Variants in XIRP2 observed in about 807,000 individuals in gnomAD.
XIRP2 encodes xin actin binding repeat containing 2, also known as xin actin-binding repeat-containing protein 2.
XIRP2 carries 236 observed loss-of-function variants against 277.0 expected under a neutral mutation model. The ratio of observed to expected loss-of-function variants is 0.85; its 90% CI spans 0.77 to 0.95. The LOEUF is 0.95. Among genes scored for constraint, XIRP2 ranks in the 40% least tolerant of loss-of-function variants. The pLI is 0.00. For missense variants in XIRP2, 4,640 were observed against 4,157.5 expected, an observed-to-expected ratio of 1.12 and a Z score of -3.19; for synonymous variants, 1,490 against 1,416.5, an observed-to-expected ratio of 1.05 and a Z score of -1.17.
rs116291979 is a variant in XIRP2, at chr2:167,125,583, A to C, written c.409-10326A>C. Among the ~76,000 whole-genome samples, 1,085 of 152,284 alleles carry C rather than the reference A, an allele frequency of 7.1e-3. 15 individuals are homozygous for C. Among genetic ancestry groups the C allele is most frequent in the African/African-American group, 0.025 (1,024 of 41,570 alleles). The stretch of plus-strand genomic sequence containing the variant: ...TAAATCTGTTTAATAAAAAGGATGT[A>C]TTTAGAGCAGAGCACTTTGCACAAA... On this transcript the variant is annotated intron_variant, in intron 2 of 10. Transcript: ENST00000409195.
At chr2:166,942,650 A>G (rs887042381) in intron 2 of XIRP2, among the ~76,000 whole-genome samples, 3 of 152,232 alleles carry the variant, frequency 2.0e-5, no homozygotes, top group Non-Finnish European at 4.4e-5. Flanking sequence ...ATAAGTTTGT[A>G]CTGATAAACA....
At chr2:166,956,425 G>A (rs1020118636) in intron 2 of XIRP2, among the ~76,000 whole-genome samples, 5 of 151,764 alleles carry the variant, frequency 3.3e-5, no homozygotes, top group African/African-American at 1.2e-4. Context: ...TAATGAGACT[G>A]TTCAAAGCAA....
intron 2 of XIRP2, among the ~76,000 whole-genome samples, chr2:167,115,207 T>G (rs1161752004): frequency 6.6e-6 from 1 of 152,202 alleles, no homozygotes; most frequent in African/African-American, 2.4e-5. Flanking sequence ...CTCTATCAGA[T>G]CCGTTTGGTT....
chr2:167,248,447 A>G lies in XIRP2; in HGVS notation c.7055A>G (p.Asp2352Gly), dbSNP rs745780167. 1.2e-6 allele frequency: 2 copies of G among 1,613,660 alleles called. No homozygotes were observed. The highest frequency in any genetic ancestry group is 1.7e-6 in the Non-Finnish European group (2 of 1,179,762). The change falls in exon 9 of 11, where the codon GAT becomes GGT. Residue 2352 changes from aspartate (D) to glycine (G), a missense_variant. By Grantham distance (94) the Asp-to-Gly change is moderately conservative. Transcript: ENST00000409195. Reference protein sequence around the residue: ...PGLPLPPPPVDEKSERESSSM... With the variant: ...PGLPLPPPPVGEKSERESSSM... ...CTCCCTCTTCCTCCACCTCCAGTAG[A>G]TGAGAAATCTGAAAGAGAAAGTTCA...
At chr2:167,205,829 T>A (rs1208487550) in intron 3 of XIRP2, among the ~76,000 whole-genome samples, 2 of 152,030 alleles carry the variant, frequency 1.3e-5, no homozygotes, top group Non-Finnish European at 2.9e-5. Flanking sequence ...TACTTTTAGT[T>A]ATAAATAAAT....
In XIRP2 at chr2:167,249,624, CA is replaced by C. The variant is rs768991186; in HGVS notation, c.8238del (p.Lys2746AsnfsTer4). ...QSEIDVQTFTKKQYLKTKKTE... is the reference protein window; with the variant it reads ...QSEIDVQTFTXKQYLKTKKTE... ...CTGAGATTGATGTTCAAACCTTTAC[CA>C]AAAAACAATATCTGAAAACCAAGAA... On this transcript the variant is annotated frameshift_variant, in exon 9 of 11. Transcript: ENST00000409195. LOFTEE classifies it high-confidence loss of function. 1 of 1,613,306 alleles carries C rather than the reference CA, an allele frequency of 6.2e-7. No homozygotes were observed. The highest frequency in any genetic ancestry group is 1.7e-5 in the Admixed American group (1 of 59,926).
At chr2:167,009,868 G>C (rs1326196438) in intron 2 of XIRP2, among the ~76,000 whole-genome samples, 1 of 152,122 alleles carries the variant, frequency 6.6e-6, no homozygotes, top group African/African-American at 2.4e-5. Context: ...GTCTTCTTTT[G>C]AGAAGTGTCT....
intron 2 of XIRP2, among the ~76,000 whole-genome samples, chr2:167,005,653 T>C (rs1687484943): frequency 6.6e-6 from 1 of 151,828 alleles, no homozygotes; most frequent in Non-Finnish European, 1.5e-5. Flanking sequence ...GAAGAAGTTA[T>C]GTAACTGTTA....
chr2:167,246,516 A>G lies in XIRP2; in HGVS notation c.5124A>G (p.Val1708=). The G allele has an allele frequency of 1.2e-6, 2 of 1,613,690 alleles. No homozygotes were observed. The highest frequency in any genetic ancestry group is 1.7e-6 in the Non-Finnish European group (2 of 1,179,776). Residue 1708 remains valine (V), a synonymous_variant, in exon 9 of 11, where the codon GTA becomes GTG. Coordinates refer to ENST00000409195, the MANE Select transcript of XIRP2 (RefSeq NM_152381.6). ...NDGDTIEREE[V]IGGDVKRTIH... is the part of the protein sequence containing the mutation. The stretch of plus-strand genomic sequence containing the variant: ...GTGACACAATTGAGCGTGAAGAAGT[A>G]ATAGGTGGTGATGTCAAACGTACCA...
intron 2 of XIRP2, among the ~76,000 whole-genome samples, chr2:167,063,125 A>G (rs1310459306): frequency 6.6e-6 from 1 of 151,894 alleles, no homozygotes; most frequent in Non-Finnish European, 1.5e-5. Context: ...ATCTTAAACT[A>G]TTATTTTTAT....
chr2:166,952,746 T>A (rs932988853), intron 2 of XIRP2, among the ~76,000 whole-genome samples: 2 of 152,074 alleles, frequency 1.3e-5, no homozygotes, highest in East Asian at 3.9e-4. Flanking sequence ...ACTTCATTGG[T>A]TCTAAAAGTC....
At chr2:166,936,643 G>T (rs866144481) in intron 2 of XIRP2, among the ~76,000 whole-genome samples, 18 of 152,214 alleles carry the variant, frequency 1.2e-4, no homozygotes, top group South Asian at 1.0e-3. Flanking sequence ...CTAGCCAGTT[G>T]TCCCAGAACC....
Position 167,248,706 on chromosome 2 carries a change from C to A in XIRP2, c.7314C>A (p.Asn2438Lys). The A allele has an allele frequency of 6.2e-7, 1 of 1,613,682 alleles. No homozygotes were observed. Among genetic ancestry groups the A allele is most frequent in the Non-Finnish European group, 8.5e-7 (1 of 1,179,786 alleles). The part of the protein sequence containing the change: ...KLPKHIKDNK[N>K]DFSPKVELAT... Reference sequence around the variant, plus strand: ...CCAAGCATATAAAAGATAATAAGAACGATTTTTCCCCCAAAGTTGAACTGG... The same window carrying A: ...CCAAGCATATAAAAGATAATAAGAAAGATTTTTCCCCCAAAGTTGAACTGG... The change falls in exon 9 of 11, where the codon AAC (asparagine) becomes AAA (lysine). Residue 2438 changes from asparagine to lysine, a missense_variant. Coordinates refer to ENST00000409195, the MANE Select transcript of XIRP2 (RefSeq NM_152381.6).
chr2:167,123,049 A>G (rs1375883402), intron 2 of XIRP2, among the ~76,000 whole-genome samples: 2 of 152,288 alleles, frequency 1.3e-5, no homozygotes, highest in East Asian at 3.9e-4. Context: ...TGTGGTAGGA[A>G]CATATCTGAA....
intron 3 of XIRP2, among the ~76,000 whole-genome samples, chr2:167,191,835 G>A (rs1693347478): frequency 6.6e-6 from 1 of 152,068 alleles, no homozygotes; most frequent in Non-Finnish European, 1.5e-5. Context: ...GCCTTAGATA[G>A]GTCTGACTGT....
intron 2 of XIRP2, among the ~76,000 whole-genome samples, chr2:167,059,101 C>CTTTTTTTTTT (rs572437575): frequency 3.4e-4 from 33 of 95,970 alleles, no homozygotes; most frequent in African/African-American, 5.3e-4. Flanking sequence ...TTTTTTTTCT[C>CTTTTTTTTTT]TTTTTTTTTT....
Position 167,009,309 on chromosome 2 carries a change from T to C in XIRP2, c.408+105419T>C, listed in dbSNP as rs537250632. Among the ~76,000 whole-genome samples the C allele has an allele frequency of 2.8e-3, 418 of 148,954 alleles. 4 individuals carry two copies. The highest frequency in any genetic ancestry group is 9.8e-3 in the African/African-American group (396 of 40,582). On this transcript the variant is annotated intron_variant, in intron 2 of 10. Transcript: ENST00000409195. ...ATTCCCACCTATGAGTGAGAATATG[T>C]GGTGTTTGGTTTTTTGTTCTTGGCG... is the stretch of plus-strand genomic sequence containing the variant.
chr2:167,217,889 A>T (rs1001416728), intron 4 of XIRP2, among the ~76,000 whole-genome samples: 12 of 152,176 alleles, frequency 7.9e-5, no homozygotes, highest in African/African-American at 2.7e-4. Flanking sequence ...AATAGGTCTT[A>T]TCTGCAGACA....
intron 2 of XIRP2, among the ~76,000 whole-genome samples, chr2:166,937,916 G>A (rs1407275431): frequency 1.3e-5 from 2 of 152,114 alleles, no homozygotes; most frequent in African/African-American, 2.4e-5. Context: ...ATGGTATTTT[G>A]TATTTCTGTG....
Sources: allele counts gnomAD v4.1 joint callset (sites outside exome capture counted in the v4.1 genomes callset), GRCh38; gene constraint gnomAD v4.1.1; transcripts MANE v1.5; gene names NCBI Gene and HGNC (gene_info 2026-07-23, HGNC 2026-07-21).